FRY: variants seen among roughly 807,000 people sequenced by gnomAD.
FRY encodes protein furry homolog.
In FRY, 128 loss-of-function variants were observed where a neutral mutation model predicts 348.4. The observed-to-expected ratio is 0.37, with a 90% confidence interval of 0.32 to 0.43. The LOEUF is 0.43. FRY is among the 20% of genes least tolerant of loss of function. The probability of loss-of-function intolerance (pLI) is 1.00; values close to 1 mark genes in which losing one functional copy is unlikely to be tolerated. For missense variants in FRY, 2,736 were observed against 3,695.2 expected (o/e 0.74, Z 6.73); for synonymous variants, 1,370 against 1,374.7 (o/e 1.00, Z 0.08).
At chr13:32,278,726 G>T in intron 58 of FRY, 178 bp downstream of exon 58, 1 of 712,622 alleles carries the variant, frequency 1.4e-6, no homozygotes, top group Non-Finnish European at 2.6e-6. Flanking sequence ...GTGTTGATGG[G>T]ATTTGTGGGG....
At position 32,257,485 on chromosome 13, in the gene FRY, G is replaced by A. The variant is rs1033113275; in HGVS notation, c.7416+3091G>A. On this transcript the variant is annotated intron_variant, in intron 51 of 60. Coordinates refer to ENST00000542859, the MANE Select transcript of FRY (RefSeq NM_023037.3). ...TTTTAGAATCTTTAAAAGGTGTTGT[G>A]TCTTTGCTATTAATTGCATATGAAC... Among the ~76,000 whole-genome samples, 55 of 152,308 alleles carry A rather than the reference G, an allele frequency of 3.6e-4. 1 individual carries two copies. The highest frequency in any genetic ancestry group is 1.3e-3 in the African/African-American group (55 of 41,572).
intron 1 of FRY, among the ~76,000 whole-genome samples, chr13:32,077,297 A>C (rs945744208): frequency 6.6e-6 from 1 of 152,202 alleles, no homozygotes; most frequent in Non-Finnish European, 1.5e-5. Context: ...TGCAAAAGAA[A>C]GATTAGTCTG....
chr13:32,107,934 A>G (rs1462893795), intron 3 of FRY, among the ~76,000 whole-genome samples: 1 of 152,252 alleles, frequency 6.6e-6, no homozygotes, highest in Non-Finnish European at 1.5e-5. Flanking sequence ...TTTATTTTAA[A>G]TTACTATAGT....
chr13:32,251,110 A>T (rs1236841000), intron 49 of FRY, among the ~76,000 whole-genome samples: 1 of 152,218 alleles, frequency 6.6e-6, no homozygotes, highest in Non-Finnish European at 1.5e-5. Context: ...ACAAACCGTA[A>T]ATCAGATTAA....
intron 4 of FRY, among the ~76,000 whole-genome samples, chr13:32,121,770 C>G (rs970907916): frequency 6.6e-5 from 10 of 152,170 alleles, no homozygotes; most frequent in African/African-American, 2.4e-4. Context: ...CGTGCAAAAG[C>G]TCTTTAGTTT....
chr13:32,078,979 C>A lies in FRY; in HGVS notation c.216C>A (p.Val72=), dbSNP rs761935471. 1.2e-6 allele frequency: 2 copies of A among 1,613,924 alleles called. No individual in the cohort carries two copies. Among genetic ancestry groups the A allele is most frequent in the East Asian group, 4.5e-5 (2 of 44,884 alleles). ...AATATGTCCTCAAAAGTTTATTTGT[C>A]AACTTCACCACTCAGGCTGAACGCA... The part of the protein sequence containing the change: ...PGEYVLKSLF[V]NFTTQAERKI... The change falls in exon 2 of 61, where the codon GTC becomes GTA. Residue 72 remains valine, a synonymous_variant. Transcript: ENST00000542859.
At chr13:32,240,601 A>C (rs1198107768) in intron 46 of FRY, among the ~76,000 whole-genome samples, 1 of 152,182 alleles carries the variant, frequency 6.6e-6, no homozygotes, top group Non-Finnish European at 1.5e-5. Context: ...AATACATAGA[A>C]TATTGTTGGG....
In FRY at chr13:32,296,450, C is replaced by T. The variant is rs1311039980; in HGVS notation, c.*990C>T. 3 of 152,548 alleles carry T rather than the reference C, an allele frequency of 2.0e-5. No individual in the cohort carries two copies. Among genetic ancestry groups the T allele is most frequent in the Non-Finnish European group, 4.4e-5 (3 of 68,010 alleles). 9.4% of individuals were successfully genotyped at this position (152,548 alleles called of 1,614,324 possible). ...GTAAAGGGCCATTCTTAAGTTCTCTCCTTAAACTTAATGCTGTCAAGTGTT... is the reference window on the plus strand; with the variant it reads ...GTAAAGGGCCATTCTTAAGTTCTCTTCTTAAACTTAATGCTGTCAAGTGTT... On this transcript the variant is annotated 3_prime_UTR_variant, in exon 61 of 61. Transcript: ENST00000542859.
chr13:32,096,039 C>T (rs1431530529), intron 2 of FRY, among the ~76,000 whole-genome samples: 1 of 151,374 alleles, frequency 6.6e-6, no homozygotes, highest in East Asian at 1.9e-4. Flanking sequence ...TCCTTCCTGT[C>T]TTTATTTCTT....
intron 29 of FRY, among the ~76,000 whole-genome samples, chr13:32,198,839 G>T (rs974379860): frequency 6.6e-6 from 1 of 152,116 alleles, no homozygotes; most frequent in African/African-American, 2.4e-5. Flanking sequence ...ACATTTTGGA[G>T]TAAAAATTAA....
chr13:32,142,586 T>C (rs1880143393), intron 11 of FRY, among the ~76,000 whole-genome samples: 1 of 152,218 alleles, frequency 6.6e-6, no homozygotes, highest in South Asian at 2.1e-4. Flanking sequence ...GACATCTTGT[T>C]ATGTGAAAGC....
In FRY at chr13:32,182,555, T is replaced by C. The variant is rs114033463; in HGVS notation, c.2997-422T>C. Among the ~76,000 whole-genome samples, 889 of 152,346 alleles carry C rather than the reference T, an allele frequency of 5.8e-3. 12 individuals carry two copies. The highest frequency in any genetic ancestry group is 0.02 in the African/African-American group (844 of 41,578). ...CACTAATTAGACTGAAAATTTCTTG[T>C]GTACAGGGGCTCAATTTTATTTATC... is the stretch of plus-strand genomic sequence containing the variant. On this transcript the variant is annotated intron_variant, in intron 23 of 60. Transcript: ENST00000542859.
In FRY at chr13:32,132,212, T is replaced by C. The variant is rs188094248; in HGVS notation, c.885+372T>C. Among the ~76,000 whole-genome samples, 22 of 148,090 alleles carry C rather than the reference T, an allele frequency of 1.5e-4. 1 individual carries two copies. The East Asian group carries it at 2.9e-3, about 20-fold the overall frequency. ...ATGAGGACTTGAAATAATAAAGAAA[T>C]CTGTTTTATTCTTACTATAAAAAGG... On this transcript the variant is annotated intron_variant, in intron 8 of 60. Coordinates refer to ENST00000542859, the MANE Select transcript of FRY (RefSeq NM_023037.3).
chr13:32,250,949 T>C (rs2520712), intron 49 of FRY, among the ~76,000 whole-genome samples: 72,692 of 152,020 alleles, frequency 0.48, 18,863 homozygotes, highest in Middle Eastern at 0.66. Context: ...TGCCATTCCT[T>C]AACCTCAAAG....
chr13:32,039,574 A>G (rs545169448), intron 1 of FRY, among the ~76,000 whole-genome samples: 5 of 152,122 alleles, frequency 3.3e-5, no homozygotes, highest in Non-Finnish European at 5.9e-5. Context: ...TCTCACCTAT[A>G]TTCTTACACT....
chr13:32,100,653 C>A (rs1487738210), intron 2 of FRY, among the ~76,000 whole-genome samples: 1 of 152,086 alleles, frequency 6.6e-6, no homozygotes, highest in Non-Finnish European at 1.5e-5. Context: ...CAGCAGTTTT[C>A]AAGTATACAA....
intron 59 of FRY, among the ~76,000 whole-genome samples, chr13:32,290,809 G>C (rs1593858522): frequency 6.6e-6 from 1 of 151,990 alleles, no homozygotes; most frequent in East Asian, 1.9e-4. Flanking sequence ...AAAAATCAAT[G>C]AAACTAATGG....
At chr13:32,068,515 G>A (rs893499657) in intron 1 of FRY, among the ~76,000 whole-genome samples, 1 of 152,160 alleles carries the variant, frequency 6.6e-6, no homozygotes, top group African/African-American at 2.4e-5. Context: ...TCAGGGGAAC[G>A]TCCATGTAAT....
intron 36 of FRY, among the ~76,000 whole-genome samples, chr13:32,221,835 T>C (rs1456475901): frequency 6.6e-6 from 1 of 152,158 alleles, no homozygotes; most frequent in Non-Finnish European, 1.5e-5. Flanking sequence ...AAAGATAATA[T>C]TGTGACGTTC....
Sources: allele counts gnomAD v4.1 joint callset (sites outside exome capture counted in the v4.1 genomes callset), GRCh38; gene constraint gnomAD v4.1.1; transcripts MANE v1.5; gene names NCBI Gene and HGNC (gene_info 2026-07-23, HGNC 2026-07-21).